The following LASP1 variants were observed in gnomAD, a reference collection of about 807,000 sequenced individuals.
LASP1 encodes LIM and SH3 domain protein 1.
LASP1 carries 10 observed loss-of-function variants against 38.6 expected under a neutral mutation model. That is an observed-to-expected ratio of 0.26 (90% CI 0.16 to 0.44). The LOEUF is 0.44. LASP1 is among the 20% of genes least tolerant of loss of function. The probability of loss-of-function intolerance (pLI) is 1.00; values close to 1 mark genes in which losing one functional copy is unlikely to be tolerated. For missense variants in LASP1, 243 were observed against 375.7 expected, an observed-to-expected ratio of 0.65 and a Z score of 2.92; for synonymous variants, 132 against 140.8, an observed-to-expected ratio of 0.94 and a Z score of 0.44.
At chr17:38,915,730 G>A (rs2143831076) in intron 6 of LASP1, 1 of 152,364 alleles carries the variant, frequency 6.6e-6, no homozygotes, top group South Asian at 2.1e-4. Context: ...AAGTGAATAA[G>A]CCCAGCAGGA....
intron 4 of LASP1, among the ~76,000 whole-genome samples, chr17:38,911,919 G>C (rs888722046): frequency 6.6e-6 from 1 of 152,076 alleles, no homozygotes; most frequent in Non-Finnish European, 1.5e-5. Context: ...TCAGCCTCCC[G>C]CGTAGCTGGG....
chr17:38,917,673 T>C (rs1205337124), intron 6 of LASP1, among the ~76,000 whole-genome samples: 1 of 151,906 alleles, frequency 6.6e-6, no homozygotes, highest in Non-Finnish European at 1.5e-5. Flanking sequence ...ATACAGGGCA[T>C]GTTTTTTCTG....
intron 4 of LASP1, among the ~76,000 whole-genome samples, chr17:38,906,280 C>T (rs893059730): frequency 5.9e-5 from 9 of 152,082 alleles, no homozygotes; most frequent in Admixed American, 5.9e-4. Flanking sequence ...GTAATCCCAG[C>T]ACTTTGGCAG....
At chr17:38,879,775 C>T (rs16968472) in intron 2 of LASP1, among the ~76,000 whole-genome samples, 1 of 151,986 alleles carries the variant, frequency 6.6e-6, no homozygotes, top group African/African-American at 2.4e-5. Context: ...GCTCATTCAG[C>T]AGACATTTAT....
intron 2 of LASP1, among the ~76,000 whole-genome samples, chr17:38,880,540 T>C (rs1467633866): frequency 3.3e-5 from 5 of 152,242 alleles, no homozygotes; most frequent in Non-Finnish European, 5.9e-5. Context: ...TTTGTAGCCC[T>C]AGCCTCTGCC....
At chr17:38,895,438 A>G (rs1288461061) in intron 3 of LASP1, among the ~76,000 whole-genome samples, 1 of 151,814 alleles carries the variant, frequency 6.6e-6, no homozygotes, top group Non-Finnish European at 1.5e-5. Context: ...CTCCTGCCTC[A>G]GCCTCCCAAG....
chr17:38,902,198 C>T (rs1363430708), intron 4 of LASP1, among the ~76,000 whole-genome samples: 1 of 151,896 alleles, frequency 6.6e-6, no homozygotes, highest in East Asian at 1.9e-4. Flanking sequence ...GTAGCTGGGA[C>T]CACAGGTGTG....
intron 1 of LASP1, among the ~76,000 whole-genome samples, chr17:38,874,915 C>T (rs942542816): frequency 1.3e-5 from 2 of 152,116 alleles, no homozygotes; most frequent in Non-Finnish European, 2.9e-5. Flanking sequence ...GCTCAGTACA[C>T]CCCACCCTCC....
intron 4 of LASP1, among the ~76,000 whole-genome samples, chr17:38,908,441 G>A (rs1914832182): frequency 6.6e-6 from 1 of 152,196 alleles, no homozygotes; most frequent in African/African-American, 2.4e-5. Flanking sequence ...AGTGGGGCTC[G>A]GGAGACTCAC....
At chr17:38,900,715 G>A (rs1362500658) in intron 4 of LASP1, among the ~76,000 whole-genome samples, 1 of 152,176 alleles carries the variant, frequency 6.6e-6, no homozygotes, top group Non-Finnish European at 1.5e-5. Context: ...TACTGTGAAT[G>A]GGTTTTGCAA....
chr17:38,889,646 G>T (rs1246531393), intron 2 of LASP1, among the ~76,000 whole-genome samples: 1 of 152,160 alleles, frequency 6.6e-6, no homozygotes, highest in Non-Finnish European at 1.5e-5. Flanking sequence ...TTCAGGCCAT[G>T]TGTATGAGGT....
Position 38,918,911 on chromosome 17 carries a change from T to C in LASP1, c.*133T>C, listed in dbSNP as rs1317384878. Reference sequence around the variant, plus strand: ...TTGTGATTCCTACCCCTCTTCCAGCTTCTTTTGCCAACTGAAGCCTTCTTC... The same window carrying C: ...TTGTGATTCCTACCCCTCTTCCAGCCTCTTTTGCCAACTGAAGCCTTCTTC... On this transcript the variant is annotated 3_prime_UTR_variant, in exon 7 of 7. Transcript: ENST00000318008. This position sits in a 1 kb window ranked among gnomAD's most constrained non-coding sequence, Gnocchi z 4.4. The C allele has an allele frequency of 9.5e-7, 1 of 1,053,234 alleles. No homozygotes were observed. Among genetic ancestry groups the C allele is most frequent in the East Asian group, 2.7e-5 (1 of 37,578 alleles). 65.2% of individuals were successfully genotyped at this position (1,053,234 alleles called of 1,614,324 possible).
chr17:38,902,305 C>T lies in LASP1; in HGVS notation c.357+3786C>T, dbSNP rs140863972. Among the ~76,000 whole-genome samples the T allele has an allele frequency of 1.0e-3, 159 of 151,924 alleles. 1 individual carries two copies. The highest frequency in any genetic ancestry group is 1.4e-3 in the African/African-American group (56 of 41,422). On this transcript the variant is annotated intron_variant, in intron 4 of 6. Transcript: ENST00000318008. Reference sequence around the variant, plus strand: ...CAAACTCCTGGATTCAAGTTATCCTCCCGCCTCAGCCTCCTAAAGTGCTGG... The same window carrying T: ...CAAACTCCTGGATTCAAGTTATCCTTCCGCCTCAGCCTCCTAAAGTGCTGG...
rs907984923 is a variant in LASP1 at position 38,921,133 on chromosome 17, C to T, written c.*2355C>T. ...TGCTGAGTGACCGGGGGCTGCTGGGCGTCTGTTCTTTACCAAAACCATCCA... is the reference window on the plus strand; with the variant it reads ...TGCTGAGTGACCGGGGGCTGCTGGGTGTCTGTTCTTTACCAAAACCATCCA... On this transcript the variant is annotated 3_prime_UTR_variant, in exon 7 of 7. Coordinates refer to ENST00000318008, the MANE Select transcript of LASP1 (RefSeq NM_006148.4). The T allele has an allele frequency of 7.0e-5, 16 of 229,270 alleles. No individual in the cohort carries two copies. The highest frequency in any genetic ancestry group is 1.3e-4 in the Non-Finnish European group (15 of 115,650). The allele number at this position is 229,270 out of a possible 1,614,324, so 14.2% of individuals were successfully genotyped here.
intron 2 of LASP1, among the ~76,000 whole-genome samples, chr17:38,886,788 C>T (rs922451325): frequency 1.3e-5 from 2 of 152,130 alleles, no homozygotes; most frequent in Admixed American, 1.3e-4. Flanking sequence ...TCTATATATT[C>T]ATCGTGTGTG....
chr17:38,887,647 G>C (rs1325690220), intron 2 of LASP1, among the ~76,000 whole-genome samples: 1 of 152,180 alleles, frequency 6.6e-6, no homozygotes, highest in Non-Finnish European at 1.5e-5. Flanking sequence ...GCTGGGGGAC[G>C]GGCACCGCTA....
At chr17:38,894,107 G>A (rs1439050824) in intron 3 of LASP1, among the ~76,000 whole-genome samples, 3 of 121,034 alleles carry the variant, frequency 2.5e-5, no homozygotes, top group Non-Finnish European at 5.5e-5. Context: ...CGGTGGTCCT[G>A]CCCAGGCCTG....
rs754705774 is a variant in LASP1, at chr17:38,918,737, G to A, written c.745G>A (p.Asp249Asn). 4 of 1,614,090 alleles carry A rather than the reference G, an allele frequency of 2.5e-6. No individual in the cohort carries two copies. The highest frequency in any genetic ancestry group is 2.5e-6 in the Non-Finnish European group (3 of 1,180,012). ...WMYGTVERTG[D>N]TGMLPANYVE... The stretch of plus-strand genomic sequence containing the variant: ...GTACGGGACGGTGGAGCGCACCGGC[G>A]ACACGGGGATGCTGCCGGCCAACTA... Residue 249 changes from aspartate to asparagine, a missense_variant, in exon 7 of 7, where the codon GAC becomes AAC. Physicochemically the swap from Asp to Asn is conservative, Grantham distance 23. Around this residue, in one of 4 missense-constraint regions of LASP1, gnomAD observed 165 missense variants for 210.3 expected, o/e 0.78. Coordinates refer to ENST00000318008, the MANE Select transcript of LASP1 (RefSeq NM_006148.4). This position sits in a 1 kb window ranked among gnomAD's most constrained non-coding sequence, Gnocchi z 4.4.
intron 4 of LASP1, among the ~76,000 whole-genome samples, chr17:38,900,949 A>G (rs1481934193): frequency 6.6e-6 from 1 of 152,252 alleles, no homozygotes; most frequent in Non-Finnish European, 1.5e-5. Flanking sequence ...TCTGTGTTTC[A>G]GAGCTCTCGG....
Sources: gnomAD v4.1 joint callset for allele counts (sites outside exome capture counted in the v4.1 genomes callset) on GRCh38, gnomAD v4.1.1 for gene constraint, gnomAD v4.1.1 regional missense constraint, Gnocchi (gnomAD v3.1) non-coding constraint, MANE v1.5 for transcripts, NCBI Gene and HGNC (gene_info 2026-07-23, HGNC 2026-07-21) for gene names.